The following ILRUN variants were observed in gnomAD, a reference collection of about 807,000 sequenced individuals.
The protein encoded by ILRUN is protein ILRUN.
In ILRUN, 3 loss-of-function variants were observed where a neutral mutation model predicts 33.8. The ratio of observed to expected loss-of-function variants is 0.09; its 90% CI spans 0.04 to 0.23. The LOEUF is 0.23. Among genes scored for constraint, ILRUN ranks in the 10% least tolerant of loss-of-function variants. The pLI is 1.00. For missense variants in ILRUN, 210 were observed against 375.1 expected, an observed-to-expected ratio of 0.56 and a Z score of 3.64; for synonymous variants, 124 against 138.9, an observed-to-expected ratio of 0.89 and a Z score of 0.75.
At chr6:34,655,337 C>CT (rs1375818077) in intron 1 of ILRUN, among the ~76,000 whole-genome samples, 1 of 152,118 alleles carries the variant, frequency 6.6e-6, no homozygotes, top group Non-Finnish European at 1.5e-5. Context: ...ATCATGTTCT[C>CT]TTTTTTCCTC....
chr6:34,645,503 T>C (rs975777218), intron 3 of ILRUN, among the ~76,000 whole-genome samples: 1 of 152,032 alleles, frequency 6.6e-6, no homozygotes, highest in Non-Finnish European at 1.5e-5. Flanking sequence ...GCCTCCCAAG[T>C]AGCTGGGACA....
chr6:34,598,475 T>G (rs1050874588), intron 4 of ILRUN, among the ~76,000 whole-genome samples: 3 of 152,232 alleles, frequency 2.0e-5, no homozygotes, highest in African/African-American at 7.2e-5. Flanking sequence ...TCACGAGTCC[T>G]ACTTTGAGAA....
intron 3 of ILRUN, among the ~76,000 whole-genome samples, chr6:34,613,142 A>T (rs534203666): frequency 6.6e-6 from 1 of 152,094 alleles, no homozygotes. Context: ...ACCTAAGAGG[A>T]GGTGGAGGTT....
intron 1 of ILRUN, chr6:34,696,207 C>T (rs1763768288): frequency 4.0e-6 from 2 of 502,980 alleles, no homozygotes; most frequent in Non-Finnish European, 3.5e-6. Context: ...TAGGAGCTCG[C>T]CCCCACCATC....
At chr6:34,638,141 G>A (rs1762403473) in intron 3 of ILRUN, among the ~76,000 whole-genome samples, 1 of 151,926 alleles carries the variant, frequency 6.6e-6, no homozygotes, top group South Asian at 2.1e-4. Flanking sequence ...ACCTGCCTCG[G>A]CCTCCCAAAG....
chr6:34,671,086 G>C (rs1215791808), intron 1 of ILRUN, among the ~76,000 whole-genome samples: 1 of 152,046 alleles, frequency 6.6e-6, no homozygotes, highest in Non-Finnish European at 1.5e-5. Flanking sequence ...TACAAGTAAT[G>C]CATATTCAAT....
At chr6:34,687,859 T>C (rs1258540209) in intron 1 of ILRUN, among the ~76,000 whole-genome samples, 1 of 151,950 alleles carries the variant, frequency 6.6e-6, no homozygotes, top group Non-Finnish European at 1.5e-5. Context: ...TCAGCCATCG[T>C]GGAAAAGAGT....
chr6:34,618,668 G>A (rs187509123), intron 3 of ILRUN, among the ~76,000 whole-genome samples: 29 of 152,268 alleles, frequency 1.9e-4, no homozygotes, highest in Non-Finnish European at 2.9e-4. Flanking sequence ...TGTTCCTGGT[G>A]ATCTTTGAAC....
In ILRUN at chr6:34,644,383, G is replaced by C. The variant is rs80213257; in HGVS notation, c.511+2218C>G. Among the ~76,000 whole-genome samples, 346 of 152,264 alleles carry C rather than the reference G, an allele frequency of 2.3e-3. 1 individual carries two copies. Among genetic ancestry groups the C allele is most frequent in the African/African-American group, 7.8e-3 (324 of 41,558 alleles). On this transcript the variant is annotated intron_variant, in intron 3 of 4. Transcript: ENST00000374023. ...ATAAACCAGACATGTGTCACCTTCA[G>C]TTTTAAAGATGACATGAGACATTTA...
chr6:34,590,327 G>C lies in ILRUN; in HGVS notation c.*238C>G. The C allele has an allele frequency of 2.6e-6, 1 of 378,480 alleles. No homozygotes were observed. Among genetic ancestry groups the C allele is most frequent in the Non-Finnish European group, 4.7e-6 (1 of 210,886 alleles). 23.4% of individuals were successfully genotyped at this position (378,480 alleles called of 1,614,324 possible). A position where few individuals can be genotyped will look rare whatever the true frequency, so the allele number is the denominator to read the frequency against. ...GATGCCTATAACAAAACCCAAAGTG[G>C]CTGCATGGATTTCTTCTTGGTAGCC... On this transcript the variant is annotated 3_prime_UTR_variant, in exon 5 of 5. Coordinates refer to ENST00000374023, the MANE Select transcript of ILRUN (RefSeq NM_024294.4).
intron 1 of ILRUN, among the ~76,000 whole-genome samples, chr6:34,685,890 T>C (rs1369532217): frequency 6.6e-6 from 1 of 151,994 alleles, no homozygotes; most frequent in African/African-American, 2.4e-5. Context: ...CCTCATACCA[T>C]ACACAAAAAT....
intron 1 of ILRUN, among the ~76,000 whole-genome samples, chr6:34,663,794 A>G (rs551896280): frequency 6.6e-6 from 1 of 152,348 alleles, no homozygotes; most frequent in East Asian, 1.9e-4. Flanking sequence ...GAACATTTTC[A>G]TCATCCTAAT....
At chr6:34,645,017 G>A (rs939480216) in intron 3 of ILRUN, among the ~76,000 whole-genome samples, 1 of 152,050 alleles carries the variant, frequency 6.6e-6, no homozygotes, top group Non-Finnish European at 1.5e-5. Context: ...ATTACAGTAG[G>A]TACAAAGGCT....
chr6:34,607,559 C>A (rs1761661033), intron 3 of ILRUN, among the ~76,000 whole-genome samples: 1 of 152,284 alleles, frequency 6.6e-6, no homozygotes, highest in Non-Finnish European at 1.5e-5. Context: ...GCTTTTCTGT[C>A]ATACAGTCAT....
intron 1 of ILRUN, among the ~76,000 whole-genome samples, chr6:34,660,685 G>A (rs1293706073): frequency 6.6e-6 from 1 of 151,736 alleles, no homozygotes; most frequent in Non-Finnish European, 1.5e-5. Context: ...CCGGAAAAAG[G>A]CTCAGCAAAA....
Position 34,646,538 on chromosome 6 carries a change from C to T in ILRUN, c.511+63G>A. On this transcript the variant is annotated intron_variant, in intron 3 of 4. Transcript: ENST00000374023. The surrounding 1 kb of genome is among the most constrained non-coding windows in gnomAD (Gnocchi z 4.9). Reference sequence around the variant, plus strand: ...AATTTGACAGGCTCTGTGAGCAACACTGGGGATGTTATAAGATGTTACCTT... The same window carrying T: ...AATTTGACAGGCTCTGTGAGCAACATTGGGGATGTTATAAGATGTTACCTT... The T allele has an allele frequency of 1.3e-6, 2 of 1,527,972 alleles. No homozygotes were observed. Among genetic ancestry groups the T allele is most frequent in the South Asian group, 2.3e-5 (2 of 87,800 alleles). 94.7% of individuals were successfully genotyped at this position (1,527,972 alleles called of 1,614,324 possible).
intron 4 of ILRUN, among the ~76,000 whole-genome samples, chr6:34,599,020 C>T (rs771563257): frequency 6.6e-6 from 1 of 152,200 alleles, no homozygotes; most frequent in Non-Finnish European, 1.5e-5. Flanking sequence ...GCAGTTCCCA[C>T]AAATGAATGA....
At chr6:34,686,101 T>C (rs546778699) in intron 1 of ILRUN, among the ~76,000 whole-genome samples, 1 of 152,146 alleles carries the variant, frequency 6.6e-6, no homozygotes, top group African/African-American at 2.4e-5. Flanking sequence ...TAGAAACATT[T>C]GTGAATCATA....
At chr6:34,641,939 A>G (rs1157241961) in intron 3 of ILRUN, among the ~76,000 whole-genome samples, 2 of 152,188 alleles carry the variant, frequency 1.3e-5, no homozygotes, top group African/African-American at 2.4e-5. Context: ...TTTTGCATCA[A>G]AGTAAACTCT....
Sources: gnomAD v4.1 joint callset for allele counts (sites outside exome capture counted in the v4.1 genomes callset) on GRCh38, gnomAD v4.1.1 for gene constraint, Gnocchi (gnomAD v3.1) non-coding constraint, MANE v1.5 for transcripts, NCBI Gene and HGNC (gene_info 2026-07-23, HGNC 2026-07-21) for gene names.